RUNX1: variants seen among roughly 807,000 people sequenced by gnomAD.
The protein encoded by RUNX1 is runt-related transcription factor 1.
RUNX1 carries 19 observed loss-of-function variants against 42.8 expected under a neutral mutation model. The observed-to-expected ratio is 0.44, with a 90% CI of 0.31 to 0.65. RUNX1 has a LOEUF of 0.65. RUNX1 is among the 30% of genes least tolerant of loss of function. RUNX1 has a pLI of 0.07. For synonymous variants in RUNX1, 271 were observed against 289.4 expected (o/e 0.94, Z 0.64); for missense variants, 528 against 672.0 (o/e 0.79, Z 2.37).
chr21:34,952,986 C>CG (rs2058619570), intron 2 of RUNX1, among the ~76,000 whole-genome samples: 2 of 152,186 alleles, frequency 1.3e-5, no homozygotes, highest in African/African-American at 4.8e-5. Flanking sequence ...CTGCCATCAC[C>CG]CAGCTGCCCT....
intron 2 of RUNX1, among the ~76,000 whole-genome samples, chr21:35,020,516 A>G (rs914411560): frequency 3.9e-5 from 6 of 152,166 alleles, no homozygotes; most frequent in African/African-American, 1.4e-4. Context: ...ATAAAGTAGA[A>G]GGCAATGAGA....
At chr21:35,025,480 C>T (rs188366929) in intron 2 of RUNX1, among the ~76,000 whole-genome samples, 250 of 152,310 alleles carry the variant, frequency 1.6e-3, no homozygotes, top group African/African-American at 5.2e-3. Context: ...AGGCTATGCA[C>T]GTGGCTATTA....
intron 2 of RUNX1, among the ~76,000 whole-genome samples, chr21:34,902,459 T>A (rs1459716247): frequency 6.6e-6 from 1 of 152,138 alleles, no homozygotes; most frequent in African/African-American, 2.4e-5. Context: ...TCTTGGATAC[T>A]TGGAGTAAAG....
chr21:34,814,875 A>T (rs186792310), intron 7 of RUNX1, among the ~76,000 whole-genome samples: 2 of 152,168 alleles, frequency 1.3e-5, no homozygotes, highest in African/African-American at 4.8e-5. Context: ...AGAAAATGCA[A>T]GTACCAACAA....
intron 5 of RUNX1, among the ~76,000 whole-genome samples, chr21:34,866,669 T>C (rs1000066726): frequency 3.3e-5 from 5 of 152,232 alleles, no homozygotes; most frequent in South Asian, 2.1e-4. Flanking sequence ...ATTAATTTAT[T>C]TGGGGATTTC....
chr21:34,953,128 T>A (rs1012426638), intron 2 of RUNX1, among the ~76,000 whole-genome samples: 1 of 102,270 alleles, frequency 9.8e-6, no homozygotes, highest in East Asian at 2.5e-4. Context: ...TTTTGGGGAC[T>A]TTTTTTTTTT....
At chr21:34,913,209 G>C (rs1289556774) in intron 2 of RUNX1, among the ~76,000 whole-genome samples, 1 of 152,088 alleles carries the variant, frequency 6.6e-6, no homozygotes, top group Non-Finnish European at 1.5e-5. Flanking sequence ...CTTTAGCCTG[G>C]GCAGCAGAGG....
intron 5 of RUNX1, among the ~76,000 whole-genome samples, chr21:34,861,779 C>T (rs1259368486): frequency 1.3e-5 from 2 of 152,326 alleles, no homozygotes; most frequent in East Asian, 3.9e-4. Flanking sequence ...CGGGCAGTCA[C>T]TCAGTCACTT....
chr21:34,795,089 T>C (rs1428353272), intron 8 of RUNX1, among the ~76,000 whole-genome samples: 1 of 152,208 alleles, frequency 6.6e-6, no homozygotes, highest in Non-Finnish European at 1.5e-5. Context: ...AGTAGAAACA[T>C]GAATTCATTG....
intron 6 of RUNX1, among the ~76,000 whole-genome samples, chr21:34,856,747 C>T (rs2057499928): frequency 6.6e-6 from 1 of 152,134 alleles, no homozygotes; most frequent in South Asian, 2.1e-4. Context: ...TCAATTTGAC[C>T]TTGGCAATGC....
chr21:34,940,060 C>G (rs924128575), intron 2 of RUNX1, among the ~76,000 whole-genome samples: 1 of 152,086 alleles, frequency 6.6e-6, no homozygotes. Context: ...CGTGTCCAAA[C>G]AGATTTTTGT....
intron 2 of RUNX1, among the ~76,000 whole-genome samples, chr21:34,979,215 A>T (rs1257731953): frequency 2.0e-5 from 3 of 152,050 alleles, no homozygotes; most frequent in Non-Finnish European, 4.4e-5. Context: ...TAAGAGAAAG[A>T]GTCTTTTTGG....
chr21:35,040,276 G>A (rs553027201), intron 2 of RUNX1, among the ~76,000 whole-genome samples: 2 of 152,272 alleles, frequency 1.3e-5, no homozygotes, highest in East Asian at 3.9e-4. Flanking sequence ...ACTGTGGTTG[G>A]TGTTAAAACT....
chr21:34,807,213 G>A (rs972457033), intron 7 of RUNX1, among the ~76,000 whole-genome samples: 10 of 152,060 alleles, frequency 6.6e-5, no homozygotes, highest in Admixed American at 3.9e-4. Context: ...CTTTGTCCTC[G>A]TGCTCCCCAC....
chr21:35,003,979 A>G (rs946840434), intron 2 of RUNX1, among the ~76,000 whole-genome samples: 1 of 152,246 alleles, frequency 6.6e-6, no homozygotes, highest in Non-Finnish European at 1.5e-5. Context: ...TTGATCCAAC[A>G]TATTTACATA....
chr21:34,970,571 A>G (rs2058756597), intron 2 of RUNX1, among the ~76,000 whole-genome samples: 1 of 152,046 alleles, frequency 6.6e-6, no homozygotes, highest in African/African-American at 2.4e-5. Flanking sequence ...TCAGCCCTCC[A>G]CTTCCCTTCA....
At chr21:34,833,739 A>C (rs1381714217) in intron 7 of RUNX1, 3 of 169,152 alleles carry the variant, frequency 1.8e-5, no homozygotes, top group African/African-American at 7.1e-5. Context: ...ACAGTCATTG[A>C]CGTCACTGGT....
chr21:35,023,893 T>C (rs764321117), intron 2 of RUNX1, among the ~76,000 whole-genome samples: 1 of 151,252 alleles, frequency 6.6e-6, no homozygotes, highest in Non-Finnish European at 1.5e-5. Flanking sequence ...AAATTAAATA[T>C]TAGGTGAAAT....
At chr21:34,885,169 C>G (rs189524970) in intron 4 of RUNX1, among the ~76,000 whole-genome samples, 24 of 152,198 alleles carry the variant, frequency 1.6e-4, no homozygotes, top group Admixed American at 1.4e-3. Flanking sequence ...GATTTCCCCC[C>G]CAAAAGGAAG....
Sources: allele counts gnomAD v4.1 joint callset (sites outside exome capture counted in the v4.1 genomes callset), GRCh38; gene constraint gnomAD v4.1.1; transcripts MANE v1.5; gene names NCBI Gene and HGNC (gene_info 2026-07-23, HGNC 2026-07-21).